Variants in FAM20B observed in about 807,000 individuals in gnomAD.
The protein encoded by FAM20B is glycosaminoglycan xylosylkinase.
Under a neutral mutation model 43.8 loss-of-function variants are expected in FAM20B, and 23 were observed. The observed-to-expected ratio is 0.53, with a 90% CI of 0.38 to 0.74. The LOEUF (loss-of-function observed/expected upper bound fraction) is 0.74. Ranked by LOEUF, FAM20B falls within the 30% of genes least tolerant of loss-of-function variation. The pLI, the probability that FAM20B is intolerant of heterozygous loss-of-function variation, is 0.00. For synonymous variants in FAM20B, 178 were observed against 192.4 expected, an observed-to-expected ratio of 0.93 and a Z score of 0.62; for missense variants, 440 against 510.5, an observed-to-expected ratio of 0.86 and a Z score of 1.33.
chr1:179,049,887 T>C (rs866109475), intron 2 of FAM20B, among the ~76,000 whole-genome samples: 1 of 152,210 alleles, frequency 6.6e-6, no homozygotes, highest in African/African-American at 2.4e-5. Flanking sequence ...TTCAGGTCAG[T>C]CTAATAAACA....
At chr1:179,060,511 A>C (rs1291402036) in intron 4 of FAM20B, among the ~76,000 whole-genome samples, 4 of 152,104 alleles carry the variant, frequency 2.6e-5, no homozygotes, top group African/African-American at 9.7e-5. Flanking sequence ...TTCTCATAGG[A>C]GCACAAGCCC....
At chr1:179,051,973 GAAAAA>G (rs749142980) in intron 3 of FAM20B, among the ~76,000 whole-genome samples, 2 of 148,862 alleles carry the variant, frequency 1.3e-5, no homozygotes, top group African/African-American at 4.9e-5. Flanking sequence ...AAGGAAACCA[GAAAAA>G]AAAAGGTGAA....
Position 179,043,637 on chromosome 1 carries a change from T to C in FAM20B, c.-133-78T>C, listed in dbSNP as rs565929382. 14 of 504,558 alleles carry C rather than the reference T, an allele frequency of 2.8e-5. No homozygotes were observed. The South Asian group carries it at 4.9e-4, about 18-fold the overall frequency. 31.3% of individuals were successfully genotyped at this position (504,558 alleles called of 1,614,324 possible). ...AGAAAGCCTAAAAGGGTGAGTCATA[T>C]ATTAGAGGCTTACAAAAGATTCAGG... On this transcript the variant is annotated intron_variant, in intron 1 of 7. Coordinates refer to ENST00000263733, the MANE Select transcript of FAM20B (RefSeq NM_014864.4).
At chr1:179,049,227 A>G (rs1343455752) in intron 2 of FAM20B, among the ~76,000 whole-genome samples, 2 of 152,216 alleles carry the variant, frequency 1.3e-5, no homozygotes, top group Non-Finnish European at 2.9e-5. Flanking sequence ...CTGAGATGAA[A>G]GAGACCTTAG....
At chr1:179,025,484 G>A (rs1649715701), upstream of FAM20B, among the ~76,000 whole-genome samples, 1 of 151,996 alleles carries the variant, frequency 6.6e-6, no homozygotes, top group Non-Finnish European at 1.5e-5. Context: ...CAGGAGGAGG[G>A]AAAATGCTTC....
intron 3 of FAM20B, among the ~76,000 whole-genome samples, chr1:179,053,386 T>C (rs974968371): frequency 2.0e-5 from 3 of 152,132 alleles, no homozygotes; most frequent in African/African-American, 2.4e-5. Flanking sequence ...CAGGGAGCTA[T>C]GATCATGCCG....
intron 4 of FAM20B, among the ~76,000 whole-genome samples, chr1:179,060,146 T>C (rs1434124867): frequency 6.6e-6 from 1 of 152,144 alleles, no homozygotes; most frequent in Non-Finnish European, 1.5e-5. Flanking sequence ...ATGGCACACT[T>C]TGCATACTTC....
intron 1 of FAM20B, among the ~76,000 whole-genome samples, chr1:179,035,065 T>C (rs1414125101): frequency 6.6e-6 from 1 of 152,180 alleles, no homozygotes; most frequent in African/African-American, 2.4e-5. Context: ...CTAATAAGGC[T>C]TGGAATCTCA....
At chr1:179,035,623 A>G (rs754005581) in intron 1 of FAM20B, 1 of 471,448 alleles carries the variant, frequency 2.1e-6, no homozygotes, top group Non-Finnish European at 3.9e-6. Context: ...CCTTTTTGAC[A>G]TGACTTTTGT....
At chr1:179,062,442 G>A (rs184436558) in intron 4 of FAM20B, among the ~76,000 whole-genome samples, 1 of 152,016 alleles carries the variant, frequency 6.6e-6, no homozygotes, top group Non-Finnish European at 1.5e-5. Context: ...ATGAGGTCAG[G>A]AGTTCTGAGA....
chr1:179,042,206 T>C (rs886437307), intron 1 of FAM20B, among the ~76,000 whole-genome samples: 29 of 152,196 alleles, frequency 1.9e-4, no homozygotes, highest in African/African-American at 6.5e-4. Flanking sequence ...CTGGATCTTA[T>C]ACCTGCCAAG....
intron 7 of FAM20B, among the ~76,000 whole-genome samples, chr1:179,070,493 G>A (rs1651872993): frequency 6.6e-6 from 1 of 150,748 alleles, no homozygotes; most frequent in Non-Finnish European, 1.5e-5. Context: ...AAAGAGAGAG[G>A]GCAACAAGGG....
rs1277392585 is a variant in FAM20B at position 179,063,925 on chromosome 1, A to G, written c.575-2A>G. The G allele has an allele frequency of 6.2e-7, 1 of 1,600,126 alleles. No individual in the cohort carries two copies. The highest frequency in any genetic ancestry group is 1.7e-5 in the Admixed American group (1 of 58,080). Reference sequence around the variant, plus strand: ...TGTATTTGGCTCCTTTCTGTCCTTTAGGAAACAATACTTGTTTTTATGGGA... The same window carrying G: ...TGTATTTGGCTCCTTTCTGTCCTTTGGGAAACAATACTTGTTTTTATGGGA... On this transcript the variant is annotated splice_acceptor_variant, in intron 4 of 7. Coordinates refer to ENST00000263733, the MANE Select transcript of FAM20B (RefSeq NM_014864.4). LOFTEE classifies it high-confidence loss of function.
At chr1:179,051,979 AAAAG>A (rs201326915) in intron 3 of FAM20B, among the ~76,000 whole-genome samples, 1,692 of 152,288 alleles carry the variant, frequency 0.011, 31 homozygotes, top group African/African-American at 0.038. Flanking sequence ...ACCAGAAAAA[AAAAG>A]GTGAAATGTT....
rs915354084 is a variant in FAM20B, at chr1:179,066,842, T to G, written c.981T>G (p.Pro327=). 2 of 1,612,178 alleles carry G rather than the reference T, an allele frequency of 1.2e-6. No homozygotes were observed. Among genetic ancestry groups the G allele is most frequent in the Non-Finnish European group, 1.7e-6 (2 of 1,178,198 alleles). The part of the protein sequence containing the change: ...PSLDERSILA[P]LYQCCIIRVS... Reference sequence around the variant, plus strand: ...TGGATGAAAGAAGCATTCTTGCCCCTCTCTATCAGTGTTGCATGTAAGTTA... The same window carrying G: ...TGGATGAAAGAAGCATTCTTGCCCCGCTCTATCAGTGTTGCATGTAAGTTA... The change falls in exon 7 of 8, where the codon CCT becomes CCG. Residue 327 remains proline, a synonymous_variant. Transcript: ENST00000263733.
chr1:179,065,062 T>G (rs1179825666), intron 6 of FAM20B, among the ~76,000 whole-genome samples: 1 of 152,142 alleles, frequency 6.6e-6, no homozygotes. Flanking sequence ...ATGTCCTTAT[T>G]TTTTTAGGCC....
At chr1:179,050,478 C>T (rs1027223888) in intron 3 of FAM20B, 113 bp downstream of exon 3, 54 of 712,772 alleles carry the variant, frequency 7.6e-5, no homozygotes, top group Non-Finnish European at 1.2e-4. Flanking sequence ...AACTTGTTAT[C>T]GATTTTAGAT....
chr1:179,035,856 G>T (rs72707289), intron 1 of FAM20B, among the ~76,000 whole-genome samples: 1 of 152,060 alleles, frequency 6.6e-6, no homozygotes, highest in East Asian at 1.9e-4. Context: ...CCGGCTGGGC[G>T]TGGTGGCTCA....
chr1:179,042,062 G>A (rs1379688533), intron 1 of FAM20B, among the ~76,000 whole-genome samples: 1 of 152,176 alleles, frequency 6.6e-6, no homozygotes, highest in East Asian at 1.9e-4. Context: ...TAGTGTCACA[G>A]GATCCTTGGG....
Sources: gnomAD v4.1 joint callset for allele counts (sites outside exome capture counted in the v4.1 genomes callset) on GRCh38, gnomAD v4.1.1 for gene constraint, MANE v1.5 for transcripts, NCBI Gene and HGNC (gene_info 2026-07-23, HGNC 2026-07-21) for gene names.